The following PTPN7 variants were observed in gnomAD, a reference collection of about 807,000 sequenced individuals.
PTPN7 encodes the protein protein tyrosine phosphatase non-receptor type 7.
Under a neutral mutation model 50.3 loss-of-function variants are expected in PTPN7, and 33 were observed. The ratio of observed to expected loss-of-function variants is 0.66; its 90% CI spans 0.50 to 0.88. The LOEUF (loss-of-function observed/expected upper bound fraction) is 0.88. Among genes scored for constraint, PTPN7 ranks in the 40% least tolerant of loss-of-function variants. The pLI is 0.00. For missense variants in PTPN7, 412 were observed against 475.4 expected (o/e 0.87, Z 1.24); for synonymous variants, 185 against 186.6 (o/e 0.99, Z 0.07).
chr1:202,161,064 C>T (rs1393911147), upstream of PTPN7: 2 of 1,375,810 alleles, frequency 1.5e-6, no homozygotes, highest in Non-Finnish European at 1.9e-6. Context: ...GCCCTTGCTG[C>T]TTCAAGCCTT....
At chr1:202,158,385 G>A in intron 2 of PTPN7, 84 bp from the exon 3 acceptor site, 1 of 1,416,268 alleles carries the variant, frequency 7.1e-7, no homozygotes. Flanking sequence ...TTAGAGATAG[G>A]GTCTCTCTCT....
chr1:202,161,390 C>T (rs1200341986), upstream of PTPN7: 1 of 1,276,412 alleles, frequency 7.8e-7, no homozygotes, highest in Non-Finnish European at 1.0e-6. Flanking sequence ...GACTTACAGA[C>T]AGTGGACAGT....
At chr1:202,160,987 CCTT>C (rs531321420), upstream of PTPN7, 8,095 of 1,425,446 alleles carry the variant, frequency 5.7e-3, 26 homozygotes, top group Non-Finnish European at 6.9e-3. This position sits in a 1 kb window ranked among gnomAD's most constrained non-coding sequence, Gnocchi z 4.8. Context: ...GCTTATTTCT[CCTT>C]CTCTGCTTCT....
rs1239567055 is a variant in PTPN7 at position 202,157,832 on chromosome 1, G to T, written c.307-9C>A. ...AAGTTTGAAGGGATCTTCTGGCAGG[G>T]GGAGGAAATGGGTGAGCAGCTGACT... On this transcript the variant is annotated splice_polypyrimidine_tract_variant and intron_variant, in intron 3 of 9. Coordinates refer to ENST00000691036, the MANE Select transcript of PTPN7 (RefSeq NM_002832.4). 2 of 1,611,684 alleles carry T rather than the reference G, an allele frequency of 1.2e-6. No homozygotes were observed. Among genetic ancestry groups the T allele is most frequent in the South Asian group, 1.1e-5 (1 of 91,042 alleles).
chr1:202,159,308 G>C lies in PTPN7; in HGVS notation c.95C>G (p.Ala32Gly). The part of the protein sequence containing the change: ...MTQPPPEKTP[A>G]KKHVRLQERR... ...CTCCTGCAGTCGCACATGCTTCTTG[G>C]CTGGCGTTTTTTCAGGCGGAGGCTG... Residue 32 changes from alanine to glycine, a missense_variant, in exon 2 of 10, where the codon GCC becomes GGC. Ala to Gly is a moderately conservative substitution (Grantham distance 60, BLOSUM62 0). Coordinates refer to ENST00000691036, the MANE Select transcript of PTPN7 (RefSeq NM_002832.4). The surrounding 1 kb of genome is among the most constrained non-coding windows in gnomAD (Gnocchi z 4.6). 2 of 1,614,218 alleles carry C rather than the reference G, an allele frequency of 1.2e-6. No homozygotes were observed. Among genetic ancestry groups the C allele is most frequent in the Non-Finnish European group, 1.7e-6 (2 of 1,180,042 alleles).
At chr1:202,154,057 T>A in intron 6 of PTPN7, 129 bp downstream of exon 6, 1 of 1,373,658 alleles carries the variant, frequency 7.3e-7, no homozygotes, top group Non-Finnish European at 1.0e-6. Flanking sequence ...CAGGGAACTT[T>A]CTGAGAGGTA....
chr1:202,158,032 C>T, intron 3 of PTPN7, 86 bp downstream of exon 3: 9 of 1,456,236 alleles, frequency 6.2e-6, no homozygotes, highest in Non-Finnish European at 8.4e-6. Flanking sequence ...GGGAGACTTG[C>T]CCAGGGTGCC....
intron 7 of PTPN7, 53 bp downstream of exon 7, chr1:202,153,672 G>A: frequency 6.9e-7 from 1 of 1,441,786 alleles, no homozygotes; most frequent in Admixed American, 1.7e-5. Flanking sequence ...GAGTCCCAGA[G>A]ATGCTGTGGG....
intron 4 of PTPN7, among the ~76,000 whole-genome samples, chr1:202,157,372 G>T (rs1040709113): frequency 9.9e-5 from 15 of 152,202 alleles, no homozygotes; most frequent in Admixed American, 8.5e-4. Context: ...AGCCACGCAT[G>T]GAGGCGCATG....
chr1:202,157,766 T>G lies in PTPN7; in HGVS notation c.364A>C (p.Lys122Gln), dbSNP rs1428039098. The change falls in exon 4 of 10, where the codon AAG (lysine) becomes CAG (glutamine). Residue 122 changes from lysine to glutamine, a missense_variant. Coordinates refer to ENST00000691036, the MANE Select transcript of PTPN7 (RefSeq NM_002832.4). ...EDLDIPGHAS[K>Q]DRYKTILPNP... The stretch of plus-strand genomic sequence containing the variant: ...GGCAAGATGGTCTTGTATCGGTCCT[T>G]GGAGGCGTGGCCAGGGATGTCCAGG... 18 of 1,613,948 alleles carry G rather than the reference T, an allele frequency of 1.1e-5. No homozygotes were observed. The highest frequency in any genetic ancestry group is 1.5e-5 in the Non-Finnish European group (18 of 1,179,948).
chr1:202,153,041 G>A (rs1656221309), intron 7 of PTPN7, among the ~76,000 whole-genome samples: 1 of 152,184 alleles, frequency 6.6e-6, no homozygotes, highest in Non-Finnish European at 1.5e-5. Context: ...GATATTTGGA[G>A]GAGAATGAGT....
chr1:202,158,420 G>T, intron 2 of PTPN7, 119 bp from the exon 3 acceptor site: 1 of 1,058,820 alleles, frequency 9.4e-7, no homozygotes. Context: ...GAGTGTGATG[G>T]CACTATTATG....
At chr1:202,150,451 G>T in intron 8 of PTPN7, 27 bp from the exon 9 acceptor site, 1 of 1,550,596 alleles carries the variant, frequency 6.4e-7, no homozygotes, top group Non-Finnish European at 8.8e-7. Context: ...AGGGGACAGG[G>T]AGGTCATGGG....
intron 9 of PTPN7, among the ~76,000 whole-genome samples, chr1:202,149,304 C>T (rs1347723633): frequency 6.6e-6 from 1 of 152,184 alleles, no homozygotes; most frequent in Non-Finnish European, 1.5e-5. Flanking sequence ...TGGGACAAAA[C>T]CAGATCTCTG....
intron 6 of PTPN7, 59 bp downstream of exon 6, chr1:202,154,127 G>T: frequency 6.2e-7 from 1 of 1,604,148 alleles, no homozygotes. Context: ...GTGTGGGGTG[G>T]GGGTGGGGTG....
chr1:202,153,949 G>T, intron 6 of PTPN7, 114 bp from the exon 7 acceptor site: 2 of 1,018,028 alleles, frequency 2.0e-6, no homozygotes, highest in Middle Eastern at 2.5e-4. Flanking sequence ...TGGGAGGTCA[G>T]CAACAGGGAG....
rs1325288775 is a variant in PTPN7 at position 202,160,258 on chromosome 1, A to G, written c.-53+287T>C. On this transcript the variant is annotated intron_variant, in intron 1 of 9. Transcript: ENST00000691036. The surrounding 1 kb of genome is among the most constrained non-coding windows in gnomAD (Gnocchi z 4.8). ...GTGTTGAATCACCAAGGCAGCAGGG[A>G]CGGAGGTGAGGGGACAGAATGGGCC... Among the ~76,000 whole-genome samples the G allele has an allele frequency of 6.6e-6, 1 of 152,032 alleles. No individual in the cohort carries two copies. Among genetic ancestry groups the G allele is most frequent in the East Asian group, 1.9e-4 (1 of 5,178 alleles).
At chr1:202,160,755 GC>G, upstream of PTPN7, 1 of 1,550,768 alleles carries the variant, frequency 6.4e-7, no homozygotes, top group Non-Finnish European at 8.7e-7. The surrounding 1 kb of genome is among the most constrained non-coding windows in gnomAD (Gnocchi z 4.8). Flanking sequence ...CCCTTCTGGG[GC>G]CCAAGGCCCC....
chr1:202,156,826 G>A (rs1656713992), intron 4 of PTPN7, among the ~76,000 whole-genome samples: 1 of 152,192 alleles, frequency 6.6e-6, no homozygotes, highest in African/African-American at 2.4e-5. Flanking sequence ...AGGGAGAGCA[G>A]GGGAGGGAGG....
Sources: allele counts gnomAD v4.1 joint callset (sites outside exome capture counted in the v4.1 genomes callset), GRCh38; gene constraint gnomAD v4.1.1; non-coding constraint Gnocchi (gnomAD v3.1); transcripts MANE v1.5; gene names NCBI Gene and HGNC (gene_info 2026-07-23, HGNC 2026-07-21).